PTPRN2: variants seen among roughly 807,000 people sequenced by gnomAD.
PTPRN2 encodes the protein receptor-type tyrosine-protein phosphatase N2.
In PTPRN2, 74 loss-of-function variants were observed where a neutral mutation model predicts 118.8. The ratio of observed to expected loss-of-function variants is 0.62; its 90% CI spans 0.52 to 0.76. PTPRN2 has a LOEUF of 0.76. Ranked by LOEUF, PTPRN2 falls within the 30% of genes least tolerant of loss-of-function variation. The pLI, the probability that PTPRN2 is intolerant of heterozygous loss-of-function variation, is 0.00. For missense variants in PTPRN2, 1,481 were observed against 1,394.4 expected, an observed-to-expected ratio of 1.06 and a Z score of -0.99; for synonymous variants, 641 against 608.0, an observed-to-expected ratio of 1.05 and a Z score of -0.80.
intron 14 of PTPRN2, among the ~76,000 whole-genome samples, chr7:157,641,907 G>A (rs1295230037): frequency 6.6e-6 from 1 of 152,056 alleles, no homozygotes; most frequent in East Asian, 1.9e-4. Context: ...TCGAGTCCAG[G>A]CTGAGCTCAT....
At chr7:158,197,554 G>T (rs1826304174) in intron 4 of PTPRN2, among the ~76,000 whole-genome samples, 1 of 152,090 alleles carries the variant, frequency 6.6e-6, no homozygotes, top group South Asian at 2.1e-4. Flanking sequence ...TATTTCTAGT[G>T]CCTTTTTGTA....
At chr7:157,825,013 C>T (rs957884332) in intron 12 of PTPRN2, among the ~76,000 whole-genome samples, 9 of 152,190 alleles carry the variant, frequency 5.9e-5, no homozygotes, top group African/African-American at 1.9e-4. Context: ...GCAGACCCCA[C>T]CCCATCTCAA....
chr7:158,132,167 AAC>A (rs1231368943), intron 9 of PTPRN2, among the ~76,000 whole-genome samples: 3 of 148,094 alleles, frequency 2.0e-5, no homozygotes, highest in Admixed American at 6.7e-5. Flanking sequence ...ACATCTACCA[AAC>A]ACACACACAT....
chr7:158,236,947 T>C lies in PTPRN2; in HGVS notation c.278-31674A>G, dbSNP rs1795587909. On this transcript the variant is annotated intron_variant, in intron 3 of 22. Transcript: ENST00000389418. ...CCCCAACCCCGTGCTCTGTGAAACA[T>C]GTGCTGTGTCAACTCAGAGTTGAAT... is the stretch of plus-strand genomic sequence containing the variant. Among the ~76,000 whole-genome samples, 2 of 55,482 alleles carry C rather than the reference T, an allele frequency of 3.6e-5. 1 individual carries two copies. The highest frequency in any genetic ancestry group is 6.3e-5 in the Non-Finnish European group (2 of 31,524). The allele number at this position is 55,482 out of a possible 152,430, so 36.4% of individuals were successfully genotyped here.
At chr7:158,481,376 TG>T (rs1820629044) in intron 2 of PTPRN2, among the ~76,000 whole-genome samples, 1 of 152,262 alleles carries the variant, frequency 6.6e-6, no homozygotes, top group Non-Finnish European at 1.5e-5. Context: ...GTGATGCAGC[TG>T]TACAAGGAGG....
chr7:158,399,732 G>C (rs949827049), intron 2 of PTPRN2, among the ~76,000 whole-genome samples: 4 of 152,070 alleles, frequency 2.6e-5, no homozygotes, highest in African/African-American at 9.7e-5. Context: ...ATTTTTAAAA[G>C]AAAAAAAGTG....
intron 2 of PTPRN2, among the ~76,000 whole-genome samples, chr7:158,340,941 T>C (rs1806632296): frequency 1.2e-5 from 1 of 81,566 alleles, no homozygotes; most frequent in Non-Finnish European, 2.6e-5. Flanking sequence ...ACACTCACAC[T>C]CTCACCATAA....
In PTPRN2 at chr7:157,977,671, G is replaced by A. The variant is rs1040380546; in HGVS notation, c.1724-78934C>T. ...ATGAATTGAGCATGTTCAGGGAGCA[G>A]AGAGAATGCTGCTCTGTCCAGTACC... On this transcript the variant is annotated intron_variant, in intron 11 of 22. Transcript: ENST00000389418. The surrounding 1 kb of genome is among the most constrained non-coding windows in gnomAD (Gnocchi z 4.6). 6.6e-6 allele frequency among the ~76,000 whole-genome samples: 1 copy of A among 151,774 alleles called. No homozygotes were observed. Among genetic ancestry groups the A allele is most frequent in the African/African-American group, 2.4e-5 (1 of 41,380 alleles).
chr7:158,360,009 C>A (rs1428495749), intron 2 of PTPRN2, among the ~76,000 whole-genome samples: 3 of 152,060 alleles, frequency 2.0e-5, no homozygotes, highest in Non-Finnish European at 4.4e-5. Flanking sequence ...GACGCTGCAT[C>A]CTTCCTCACC....
At chr7:158,270,806 T>TCACCTGGACCGTCCCCC (rs1798323651) in intron 3 of PTPRN2, among the ~76,000 whole-genome samples, 1 of 6,398 alleles carries the variant, frequency 1.6e-4, no homozygotes, top group Non-Finnish European at 3.3e-4. Context: ...GACCACCCCC[T>TCACCTGGACCGTCCCCC]CACCTGGACC....
At chr7:157,805,436 C>G (rs1413388516) in intron 12 of PTPRN2, among the ~76,000 whole-genome samples, 1 of 152,070 alleles carries the variant, frequency 6.6e-6, no homozygotes, top group Non-Finnish European at 1.5e-5. Flanking sequence ...GCACATTTTT[C>G]TTATAAATTA....
At chr7:158,209,980 T>C (rs947277449) in intron 3 of PTPRN2, among the ~76,000 whole-genome samples, 1 of 151,994 alleles carries the variant, frequency 6.6e-6, no homozygotes, top group African/African-American at 2.4e-5. Flanking sequence ...AAGGAGAAAA[T>C]TTAGAGATTT....
intron 1 of PTPRN2, among the ~76,000 whole-genome samples, chr7:158,495,124 G>A (rs1369307961): frequency 2.0e-5 from 3 of 152,092 alleles, no homozygotes; most frequent in African/African-American, 7.2e-5. Flanking sequence ...CTGCAGCAGT[G>A]GCAGTCTCAC....
At chr7:157,816,291 G>C (rs75305325) in intron 12 of PTPRN2, among the ~76,000 whole-genome samples, 3,983 of 152,248 alleles carry the variant, frequency 0.026, 172 homozygotes, top group African/African-American at 0.084. Context: ...TCTGCTGCTC[G>C]GTGTGGTCGG....
intron 1 of PTPRN2, among the ~76,000 whole-genome samples, chr7:158,564,285 G>C (rs11514653): frequency 0.013 from 2,042 of 152,356 alleles, 13 homozygotes; most frequent in Non-Finnish European, 0.022. Flanking sequence ...CAATGAACAC[G>C]CTTATGCAAA....
At chr7:158,329,868 G>C (rs1270901528) in intron 2 of PTPRN2, among the ~76,000 whole-genome samples, 3 of 152,150 alleles carry the variant, frequency 2.0e-5, no homozygotes, top group African/African-American at 4.8e-5. Flanking sequence ...GTAGATGCCA[G>C]CGTCTGACTG....
rs61276074 is a variant in PTPRN2 at position 158,306,855 on chromosome 7, GTTTTTTTTTTTTT to G, written c.277+9951_277+9963del. Among the ~76,000 whole-genome samples, 6 of 121,432 alleles carry G rather than the reference GTTTTTTTTTTTTT, an allele frequency of 4.9e-5. 1 individual carries two copies. In the South Asian group the frequency reaches 1.6e-3, roughly 32 times the overall value. 79.7% of individuals were successfully genotyped at this position (121,432 alleles called of 152,430 possible). A position where few individuals can be genotyped will look rare whatever the true frequency, so the allele number is the denominator to read the frequency against. The stretch of plus-strand genomic sequence containing the variant: ...AAAGACTTTAAATGAGCTGTTTTTT[GTTTTTTTTTTTTT>G]TTTTTTTTTTTTTTTTTAGACAGAG... On this transcript the variant is annotated intron_variant, in intron 3 of 22. Coordinates refer to ENST00000389418, the MANE Select transcript of PTPRN2 (RefSeq NM_002847.5).
At chr7:158,155,496 CCAT>C (rs1451187452) in intron 6 of PTPRN2, among the ~76,000 whole-genome samples, 9 of 91,728 alleles carry the variant, frequency 9.8e-5, no homozygotes, top group Non-Finnish European at 1.2e-4. Context: ...ATCACCATCA[CCAT>C]CATCACCAAT....
At chr7:158,148,951 C>G in intron 6 of PTPRN2, among the ~76,000 whole-genome samples, 2 of 115,548 alleles carry the variant, frequency 1.7e-5, no homozygotes, top group East Asian at 2.8e-4. Flanking sequence ...TCTCACGCCA[C>G]GTGTCTTTCC....
Sources: allele counts gnomAD v4.1 joint callset (sites outside exome capture counted in the v4.1 genomes callset), GRCh38; gene constraint gnomAD v4.1.1; non-coding constraint Gnocchi (gnomAD v3.1); transcripts MANE v1.5; gene names NCBI Gene and HGNC (gene_info 2026-07-23, HGNC 2026-07-21).